PPP4R3B: variants seen among roughly 807,000 people sequenced by gnomAD.
PPP4R3B encodes the protein serine/threonine-protein phosphatase 4 regulatory subunit 3B.
In PPP4R3B, 52 loss-of-function variants were observed where a neutral mutation model predicts 95.4. That is an observed-to-expected ratio of 0.54 (90% confidence interval 0.44 to 0.69). The LOEUF (loss-of-function observed/expected upper bound fraction) is 0.69, where lower values mean the gene tolerates loss of function less well. PPP4R3B is among the 30% of genes least tolerant of loss of function. PPP4R3B has a pLI of 0.00. For synonymous variants in PPP4R3B, 407 were observed against 343.9 expected (o/e 1.18, Z -2.03); for missense variants, 1,003 against 1,005.9 (o/e 1.00, Z 0.04).
At chr2:55,593,261 T>A (rs1691287396) in intron 4 of PPP4R3B, among the ~76,000 whole-genome samples, 1 of 152,228 alleles carries the variant, frequency 6.6e-6, no homozygotes, top group African/African-American at 2.4e-5. Context: ...TTGGAGTCAC[T>A]AAAGTCTTAT....
At chr2:55,559,364 C>CA (rs969408688) in intron 15 of PPP4R3B, among the ~76,000 whole-genome samples, 21 of 150,952 alleles carry the variant, frequency 1.4e-4, no homozygotes, top group South Asian at 2.1e-4. Flanking sequence ...ACCAAAAAAA[C>CA]AAAAAAAAAT....
chr2:55,597,612 A>T, intron 4 of PPP4R3B, among the ~76,000 whole-genome samples: 1 of 119,026 alleles, frequency 8.4e-6, no homozygotes, highest in East Asian at 2.1e-4. Context: ...ACCGAGCAAG[A>T]CTCCGTCTCA....
At chr2:55,585,008 A>T (rs375637525) in intron 7 of PPP4R3B, 43 bp downstream of exon 7, 11 of 1,346,970 alleles carry the variant, frequency 8.2e-6, no homozygotes, top group Middle Eastern at 1.8e-4. Context: ...AACACTACTC[A>T]CTCTACAGGT....
At chr2:55,606,472 G>A (rs1413929592) in intron 2 of PPP4R3B, among the ~76,000 whole-genome samples, 2 of 151,962 alleles carry the variant, frequency 1.3e-5, no homozygotes, top group Non-Finnish European at 2.9e-5. Flanking sequence ...ATCACTTGAG[G>A]CCAGGAGTTT....
intron 12 of PPP4R3B, among the ~76,000 whole-genome samples, chr2:55,570,516 T>G (rs771737203): frequency 1.3e-5 from 2 of 152,248 alleles, no homozygotes; most frequent in African/African-American, 2.4e-5. Flanking sequence ...AAAAATCTTA[T>G]GGAACAGGAA....
At chr2:55,550,095 A>C (rs1335650433) in intron 16 of PPP4R3B, 89 bp from the exon 17 acceptor site, 13 of 846,364 alleles carry the variant, frequency 1.5e-5, no homozygotes, top group Non-Finnish European at 2.1e-5. Flanking sequence ...AAAATATCAG[A>C]AATCGTTTTT....
At chr2:55,573,856 G>T (rs4671250) in intron 11 of PPP4R3B, 79 bp from the exon 12 acceptor site, 593,851 of 795,970 alleles carry the variant, frequency 0.75, 221,608 homozygotes, top group Non-Finnish European at 0.77. Flanking sequence ...CATCCTATAT[G>T]TTATAACAAA....
At chr2:55,571,838 C>T (rs1179111061) in intron 12 of PPP4R3B, among the ~76,000 whole-genome samples, 2 of 152,174 alleles carry the variant, frequency 1.3e-5, no homozygotes, top group African/African-American at 2.4e-5. Flanking sequence ...AGGCTGCTCT[C>T]GAACTCCTGA....
At chr2:55,615,110 T>C (rs912631757) in intron 2 of PPP4R3B, 3 of 191,076 alleles carry the variant, frequency 1.6e-5, no homozygotes, top group Admixed American at 1.2e-4. Flanking sequence ...GCTTTAAGAG[T>C]ATCCCTTTGA....
chr2:55,603,283 A>AT (rs1692904520), intron 3 of PPP4R3B, among the ~76,000 whole-genome samples: 1 of 152,230 alleles, frequency 6.6e-6, no homozygotes, highest in African/African-American at 2.4e-5. Context: ...AAGAACATGT[A>AT]TTAAAAAGTA....
chr2:55,571,486 C>T, intron 12 of PPP4R3B, among the ~76,000 whole-genome samples: 1 of 151,842 alleles, frequency 6.6e-6, no homozygotes, highest in East Asian at 1.9e-4. Flanking sequence ...CTGGATACAA[C>T]CAGTTATCAT....
chr2:55,616,245 T>C (rs1694908613), intron 1 of PPP4R3B, among the ~76,000 whole-genome samples: 1 of 152,142 alleles, frequency 6.6e-6, no homozygotes, highest in South Asian at 2.1e-4. Flanking sequence ...AAATACTTAG[T>C]ATAGAAATTA....
At chr2:55,596,006 A>G (rs1223740640) in intron 4 of PPP4R3B, among the ~76,000 whole-genome samples, 1 of 152,216 alleles carries the variant, frequency 6.6e-6, no homozygotes, top group Non-Finnish European at 1.5e-5. Flanking sequence ...TTAGGGTGTA[A>G]AGGATTAACA....
At chr2:55,591,303 T>A (rs1031898732) in intron 4 of PPP4R3B, among the ~76,000 whole-genome samples, 1 of 147,084 alleles carries the variant, frequency 6.8e-6, no homozygotes. Flanking sequence ...TACCTGGCTA[T>A]TTTTTTTTTA....
chr2:55,594,220 G>T (rs1004022717), intron 4 of PPP4R3B, among the ~76,000 whole-genome samples: 1 of 151,470 alleles, frequency 6.6e-6, no homozygotes, highest in Non-Finnish European at 1.5e-5. Flanking sequence ...CACGGTGATG[G>T]GTACACTAGA....
intron 16 of PPP4R3B, among the ~76,000 whole-genome samples, chr2:55,552,735 G>A: frequency 6.6e-6 from 1 of 152,112 alleles, no homozygotes; most frequent in Non-Finnish European, 1.5e-5. Flanking sequence ...TTTTTGCAGG[G>A]TATTTAGGTA....
chr2:55,613,929 T>G (rs1186885606), intron 2 of PPP4R3B, among the ~76,000 whole-genome samples: 1 of 152,166 alleles, frequency 6.6e-6, no homozygotes, highest in Non-Finnish European at 1.5e-5. Context: ...GCTGCCTGGC[T>G]GACTGAGAAA....
At chr2:55,607,591 T>C (rs6545510) in intron 2 of PPP4R3B, among the ~76,000 whole-genome samples, 1 of 152,202 alleles carries the variant, frequency 6.6e-6, no homozygotes, top group Admixed American at 6.5e-5. Flanking sequence ...CCTGGGCACA[T>C]CATCCTCCAG....
intron 15 of PPP4R3B, among the ~76,000 whole-genome samples, chr2:55,562,487 C>T (rs531212035): frequency 1.3e-5 from 2 of 152,264 alleles, no homozygotes; most frequent in South Asian, 2.1e-4. Flanking sequence ...TCTCCCGCTC[C>T]ACCATGGTTA....
Sources: allele counts gnomAD v4.1 joint callset (sites outside exome capture counted in the v4.1 genomes callset), GRCh38; gene constraint gnomAD v4.1.1; transcripts MANE v1.5; gene names NCBI Gene and HGNC (gene_info 2026-07-23, HGNC 2026-07-21).